DLG2: variants seen among roughly 807,000 people sequenced by gnomAD.
DLG2 encodes the protein disks large homolog 2.
DLG2 carries 45 observed loss-of-function variants against 132.5 expected under a neutral mutation model. The observed-to-expected ratio is 0.34, with a 90% CI of 0.27 to 0.44. The LOEUF (loss-of-function observed/expected upper bound fraction) is 0.44. Ranked by LOEUF, DLG2 falls within the 20% of genes least tolerant of loss-of-function variation. The pLI, the probability that DLG2 is intolerant of heterozygous loss-of-function variation, is 1.00. For synonymous variants in DLG2, 424 were observed against 419.6 expected, an observed-to-expected ratio of 1.01 and a Z score of -0.13; for missense variants, 1,045 against 1,196.9, an observed-to-expected ratio of 0.87 and a Z score of 1.87.
intron 19 of DLG2, among the ~76,000 whole-genome samples, chr11:83,565,439 G>A (rs1483807099): frequency 6.6e-6 from 1 of 152,180 alleles, no homozygotes; most frequent in African/African-American, 2.4e-5. Context: ...TTAAGCCCTT[G>A]TGCAGTTTTA....
intron 19 of DLG2, among the ~76,000 whole-genome samples, chr11:83,612,952 T>G (rs752064742): frequency 2.7e-4 from 41 of 152,322 alleles, no homozygotes; most frequent in Middle Eastern, 3.4e-3. Context: ...TTTAAATAGA[T>G]GGAGAAACTC....
intron 7 of DLG2, among the ~76,000 whole-genome samples, chr11:84,355,686 G>C (rs2098607176): frequency 6.6e-6 from 1 of 151,956 alleles, no homozygotes; most frequent in Admixed American, 6.6e-5. Flanking sequence ...CATGAGAAGA[G>C]GTAAGATGAA....
chr11:85,472,389 C>T (rs996912718), intron 3 of DLG2, among the ~76,000 whole-genome samples: 1 of 152,202 alleles, frequency 6.6e-6, no homozygotes, highest in Non-Finnish European at 1.5e-5. Flanking sequence ...GCAATCTCCA[C>T]CTCCCGGGTT....
rs116471397 is a variant in DLG2, at chr11:83,584,120, C to T, written c.1941-42262G>A. On this transcript the variant is annotated intron_variant, in intron 19 of 27. Transcript: ENST00000376104. ...TGCTTCTGAGAAACAAAACACAAAG[C>T]AAACCAGGTCTCTGTTTCCTATTAT... Among the ~76,000 whole-genome samples, 855 of 152,252 alleles carry T rather than the reference C, an allele frequency of 5.6e-3. 5 individuals are homozygous for T. The highest frequency in any genetic ancestry group is 0.019 in the African/African-American group (808 of 41,558).
At chr11:84,785,437 A>G (rs2072709765) in intron 6 of DLG2, among the ~76,000 whole-genome samples, 1 of 152,094 alleles carries the variant, frequency 6.6e-6, no homozygotes, top group Non-Finnish European at 1.5e-5. Flanking sequence ...TAGAAGTCAC[A>G]TGATGTCTAA....
At chr11:84,864,350 C>T (rs2154031680) in intron 6 of DLG2, among the ~76,000 whole-genome samples, 2 of 152,292 alleles carry the variant, frequency 1.3e-5, no homozygotes, top group Non-Finnish European at 2.9e-5. Context: ...TGTCCTCAGT[C>T]TGAGGACATG....
In DLG2 at chr11:84,164,619, A is replaced by G. The variant is rs530117643; in HGVS notation, c.574-1108T>C. ...AGATAGTGAATGAATGAGTGACTGA[A>G]CTAAGTAATTAATTTACTTGTGTAA... On this transcript the variant is annotated intron_variant, in intron 8 of 27. Transcript: ENST00000376104. Among the ~76,000 whole-genome samples the G allele has an allele frequency of 5.7e-4, 87 of 152,338 alleles. 1 individual carries two copies. Among genetic ancestry groups the G allele is most frequent in the African/African-American group, 2.0e-3 (85 of 41,582 alleles).
chr11:84,579,202 T>TGTGTGA (rs1439537145), intron 6 of DLG2, among the ~76,000 whole-genome samples: 4 of 151,732 alleles, frequency 2.6e-5, no homozygotes, highest in African/African-American at 9.7e-5. Flanking sequence ...TGTGTGTGTG[T>TGTGTGA]GTGTGTGTGT....
intron 6 of DLG2, among the ~76,000 whole-genome samples, chr11:84,536,547 A>T (rs531937379): frequency 6.6e-6 from 1 of 152,350 alleles, no homozygotes; most frequent in East Asian, 1.9e-4. Context: ...CATGGATCAA[A>T]TTTAACATTC....
chr11:83,746,688 G>A (rs1165957876), intron 18 of DLG2, among the ~76,000 whole-genome samples: 2 of 152,042 alleles, frequency 1.3e-5, no homozygotes, highest in Non-Finnish European at 2.9e-5. Context: ...TAACAAACCT[G>A]CACGTTGTGC....
intron 7 of DLG2, among the ~76,000 whole-genome samples, chr11:84,326,663 T>C (rs1034349583): frequency 6.6e-6 from 1 of 152,192 alleles, no homozygotes; most frequent in African/African-American, 2.4e-5. Flanking sequence ...TGGAAAATGT[T>C]CCATGTGCGC....
intron 10 of DLG2, among the ~76,000 whole-genome samples, chr11:84,090,153 C>T (rs2097063897): frequency 6.6e-6 from 1 of 152,094 alleles, no homozygotes; most frequent in Admixed American, 6.6e-5. Flanking sequence ...GTGGCTCACG[C>T]CTGTAATCCT....
chr11:84,116,939 C>T (rs2093661883), intron 9 of DLG2, among the ~76,000 whole-genome samples: 1 of 152,144 alleles, frequency 6.6e-6, no homozygotes, highest in East Asian at 1.9e-4. Flanking sequence ...CTTTCCAACG[C>T]CTATTTCTCA....
At chr11:85,421,881 G>C (rs2090341778) in intron 3 of DLG2, among the ~76,000 whole-genome samples, 1 of 152,116 alleles carries the variant, frequency 6.6e-6, no homozygotes, top group Non-Finnish European at 1.5e-5. Context: ...TGGTGGGTCG[G>C]TAGTGGCAAA....
chr11:85,470,076 CA>C (rs1228605836), intron 3 of DLG2, among the ~76,000 whole-genome samples: 1 of 151,682 alleles, frequency 6.6e-6, no homozygotes, highest in African/African-American at 2.4e-5. Context: ...GTTCCTCTGA[CA>C]ATCTCACCAA....
At chr11:85,191,951 G>C (rs2080614006) in intron 4 of DLG2, among the ~76,000 whole-genome samples, 1 of 152,114 alleles carries the variant, frequency 6.6e-6, no homozygotes, top group Non-Finnish European at 1.5e-5. Context: ...AAGTAATGCG[G>C]TTACCTTAAA....
At chr11:84,379,558 A>C (rs1028397053) in intron 7 of DLG2, among the ~76,000 whole-genome samples, 5 of 152,240 alleles carry the variant, frequency 3.3e-5, no homozygotes, top group Admixed American at 1.3e-4. Flanking sequence ...AAAGTGATTC[A>C]AGATGTAGAA....
At chr11:84,773,240 A>T (rs2069738791) in intron 6 of DLG2, among the ~76,000 whole-genome samples, 2 of 152,184 alleles carry the variant, frequency 1.3e-5, no homozygotes, top group African/African-American at 2.4e-5. Context: ...GAATAAAATG[A>T]AATCCTGAAC....
chr11:84,203,115 A>T, intron 8 of DLG2, among the ~76,000 whole-genome samples: 2 of 117,250 alleles, frequency 1.7e-5, no homozygotes, highest in East Asian at 5.0e-4. Flanking sequence ...ATTACTAGGT[A>T]TATACCAAAA....
Sources: allele counts gnomAD v4.1 joint callset (sites outside exome capture counted in the v4.1 genomes callset), GRCh38; gene constraint gnomAD v4.1.1; transcripts MANE v1.5; gene names NCBI Gene and HGNC (gene_info 2026-07-23, HGNC 2026-07-21).